Variants in COL18A1 observed in about 807,000 individuals in gnomAD.
COL18A1 encodes collagen type XVIII alpha 1 chain.
A neutral mutation model predicts 168.0 loss-of-function variants in COL18A1; 133 were observed. The ratio of observed to expected loss-of-function variants is 0.79; its 90% CI spans 0.69 to 0.91. COL18A1 has a LOEUF of 0.91. Ranked by LOEUF, COL18A1 falls within the 40% of genes least tolerant of loss-of-function variation. The pLI is 0.00. For synonymous variants in COL18A1, 949 were observed against 809.0 expected (o/e 1.17, Z -2.94); for missense variants, 2,126 against 1,925.4 (o/e 1.10, Z -1.95).
intron 38 of COL18A1, among the ~76,000 whole-genome samples, 173 bp from the exon 39 acceptor site, chr21:45,509,183 C>T (rs2037424440): frequency 6.6e-6 from 1 of 152,036 alleles, no homozygotes; most frequent in Non-Finnish European, 1.5e-5. Context: ...AGGCAGGACT[C>T]CCCACCCTTG....
At chr21:45,445,511 A>G (rs1052299116) in intron 2 of COL18A1, among the ~76,000 whole-genome samples, 3 of 152,036 alleles carry the variant, frequency 2.0e-5, no homozygotes, top group African/African-American at 7.2e-5. Context: ...AACTGTGTTT[A>G]CTCATTTGAG....
intron 20 of COL18A1, 105 bp downstream of exon 20, chr21:45,490,451 T>TCTCCATGTGCCCTCATGGGTCCCTGGGC (rs2036278374): frequency 1.4e-6 from 1 of 728,646 alleles, no homozygotes; most frequent in Non-Finnish European, 2.1e-6. Flanking sequence ...GGTCCCTGGG[T>TCTCCATGTGCCCTCATGGGTCCCTGGGC]CTCCATGTGC....
At position 45,484,367 on chromosome 21, in the gene COL18A1, TACAC is replaced by T. The variant is rs965881570; in HGVS notation, c.1701+1547_1701+1550del. The stretch of plus-strand genomic sequence containing the variant: ...TCTCCAGCATATGTGCGCACACACA[TACAC>T]GCACACACACATCTCCAGCATGTGT... On this transcript the variant is annotated intron_variant, in intron 15 of 41. Coordinates refer to ENST00000651438, the MANE Select transcript of COL18A1 (RefSeq NM_001379500.1). Among the ~76,000 whole-genome samples the T allele has an allele frequency of 1.2e-4, 12 of 101,376 alleles. No individual in the cohort carries two copies. The South Asian group carries it at 2.0e-3, about 17-fold the overall frequency. 66.5% of individuals were successfully genotyped at this position (101,376 alleles called of 152,430 possible). A position where few individuals can be genotyped will look rare whatever the true frequency, so the allele number is the denominator to read the frequency against.
chr21:45,452,114 G>A (rs1012826027), intron 2 of COL18A1, among the ~76,000 whole-genome samples: 5 of 152,246 alleles, frequency 3.3e-5, no homozygotes, highest in African/African-American at 4.8e-5. Context: ...CGAAACCCTG[G>A]TCCGCACTGC....
intron 2 of COL18A1, among the ~76,000 whole-genome samples, chr21:45,429,190 C>T (rs997887865): frequency 5.3e-5 from 8 of 152,094 alleles, no homozygotes; most frequent in South Asian, 2.1e-4. Flanking sequence ...CGTGAGCCAC[C>T]GCGCCCAGCC....
At chr21:45,448,697 TC>T (rs1183984664) in intron 2 of COL18A1, among the ~76,000 whole-genome samples, 18 of 152,254 alleles carry the variant, frequency 1.2e-4, no homozygotes, top group Non-Finnish European at 2.2e-4. Context: ...AAGTTTACAA[TC>T]ATTCTGTCCG....
chr21:45,422,952 T>A (rs566148201), intron 2 of COL18A1, among the ~76,000 whole-genome samples: 8 of 152,266 alleles, frequency 5.3e-5, no homozygotes, highest in South Asian at 2.1e-4. Context: ...CATGTCCAGC[T>A]AATTTTTTTG....
intron 3 of COL18A1, among the ~76,000 whole-genome samples, chr21:45,470,425 CTTTTT>C (rs1195744330): frequency 2.3e-3 from 87 of 37,110 alleles, no homozygotes; most frequent in African/African-American, 8.9e-3. Context: ...TTTACCTTGT[CTTTTT>C]TTTTTTTTTT....
At chr21:45,492,781 G>A (rs927056506) in intron 24 of COL18A1, 68 bp downstream of exon 24, 2 of 1,226,744 alleles carry the variant, frequency 1.6e-6, no homozygotes, top group Non-Finnish European at 1.2e-6. Context: ...GTAGCACAGA[G>A]CAGCCCGGTC....
At chr21:45,462,865 G>GAAGTC (rs112598752) in intron 2 of COL18A1, among the ~76,000 whole-genome samples, 4,280 of 152,222 alleles carry the variant, frequency 0.028, 210 homozygotes, top group African/African-American at 0.097. Context: ...TGTGGCTCTT[G>GAAGTC]AATTTTGCCC....
chr21:45,407,104 G>A (rs1183740432), intron 2 of COL18A1, among the ~76,000 whole-genome samples: 1 of 152,170 alleles, frequency 6.6e-6, no homozygotes, highest in Non-Finnish European at 1.5e-5. Context: ...AGCCCGGAGA[G>A]AACTCAGGCT....
rs1179534058 is a variant in COL18A1, at chr21:45,510,251, T to C, written c.3683T>C (p.Val1228Ala). The change falls in exon 40 of 42, where the codon GTC becomes GCC. Residue 1228 changes from valine to alanine, a missense_variant. Val to Ala is a moderately conservative substitution (Grantham distance 64). Coordinates refer to ENST00000651438, the MANE Select transcript of COL18A1 (RefSeq NM_001379500.1). ...RRADRAAVPIVNLKDELLFPS... is the reference protein window; with the variant it reads ...RRADRAAVPIANLKDELLFPS... ...GCCGACCGCGCAGCCGTGCCCATCG[T>C]CAACCTCAAGGTGGGTCAGTCCAGT... The C allele has an allele frequency of 1.9e-6, 3 of 1,604,848 alleles. No homozygotes were observed. The highest frequency in any genetic ancestry group is 1.7e-4 in the Middle Eastern group (1 of 6,052).
Position 45,510,068 on chromosome 21 carries a change from A to G in COL18A1, c.3500A>G (p.His1167Arg). 6.4e-7 allele frequency: 1 copy of G among 1,566,972 alleles called. No individual in the cohort carries two copies. The highest frequency in any genetic ancestry group is 2.4e-5 in the East Asian group (1 of 42,370). ...HSHRDFQPVL[H>R]LVALNSPLSG... Reference sequence around the variant, plus strand: ...GACGCGCCCCTCTCCCCGCAGCTCCACCTGGTTGCGCTCAACAGCCCCCTG... The same window carrying G: ...GACGCGCCCCTCTCCCCGCAGCTCCGCCTGGTTGCGCTCAACAGCCCCCTG... The change falls in exon 40 of 42, where the codon CAC becomes CGC. Residue 1167 changes from histidine (H) to arginine (R), a missense_variant. Coordinates refer to ENST00000651438, the MANE Select transcript of COL18A1 (RefSeq NM_001379500.1).
chr21:45,432,625 T>C (rs1183221946), intron 2 of COL18A1, among the ~76,000 whole-genome samples: 4 of 152,220 alleles, frequency 2.6e-5, no homozygotes, highest in African/African-American at 9.6e-5. Flanking sequence ...ATCTGGACCA[T>C]ACTGCTGGGG....
chr21:45,498,629 A>G lies in COL18A1; in HGVS notation c.2683+968A>G. The G allele has an allele frequency of 1.4e-6, 1 of 703,570 alleles. No homozygotes were observed. Among genetic ancestry groups the G allele is most frequent in the South Asian group, 1.5e-5 (1 of 67,164 alleles). 43.6% of individuals were successfully genotyped at this position (703,570 alleles called of 1,614,324 possible). On this transcript the variant is annotated intron_variant, in intron 32 of 41. Transcript: ENST00000651438. This position sits in a 1 kb window ranked among gnomAD's most constrained non-coding sequence, Gnocchi z 4.5. ...CCTTAAGGCCTGTGGAGGCAAAGGC[A>G]GGCAGAAAGCAAGCGGGAAGATGGA...
chr21:45,495,607 C>CACACAT (rs3028017), intron 29 of COL18A1, 175 bp downstream of exon 29: 16 of 637,494 alleles, frequency 2.5e-5, no homozygotes, highest in Admixed American at 1.1e-4. Flanking sequence ...TGTCCACACA[C>CACACAT]GCACACGTGT....
chr21:45,499,166 T>C (rs2036648863), intron 32 of COL18A1, among the ~76,000 whole-genome samples: 1 of 152,200 alleles, frequency 6.6e-6, no homozygotes, highest in African/African-American at 2.4e-5. Context: ...AGAAAGTCAA[T>C]TGCCAGTGTA....
intron 15 of COL18A1, 131 bp downstream of exon 15, chr21:45,482,952 C>T (rs2145946441): frequency 3.8e-6 from 5 of 1,326,652 alleles, no homozygotes; most frequent in East Asian, 2.5e-5. Context: ...ACCCCCACTC[C>T]TGCCATCTGT....
rs182312481 is a variant in COL18A1, at chr21:45,475,611, T to C, written c.798+76T>C. The C allele has an allele frequency of 1.7e-4, 196 of 1,162,142 alleles. No individual in the cohort carries two copies. In the African/African-American group the frequency reaches 2.2e-3, roughly 13 times the overall value. 72.0% of individuals were successfully genotyped at this position (1,162,142 alleles called of 1,614,324 possible). ...CCTCCCAGCAGTGGGGTGACACATGTGCACACGCAGGTGTGGCTCCAAGAG... is the reference window on the plus strand; with the variant it reads ...CCTCCCAGCAGTGGGGTGACACATGCGCACACGCAGGTGTGGCTCCAAGAG... On this transcript the variant is annotated intron_variant, in intron 5 of 41. Coordinates refer to ENST00000651438, the MANE Select transcript of COL18A1 (RefSeq NM_001379500.1).
Sources: gnomAD v4.1 joint callset for allele counts (sites outside exome capture counted in the v4.1 genomes callset) on GRCh38, gnomAD v4.1.1 for gene constraint, Gnocchi (gnomAD v3.1) non-coding constraint, MANE v1.5 for transcripts, NCBI Gene and HGNC (gene_info 2026-07-23, HGNC 2026-07-21) for gene names.